Variants in GOLGB1 observed in about 807,000 individuals in gnomAD.
GOLGB1 encodes golgin B1.
In GOLGB1, 174 loss-of-function variants were observed where a neutral mutation model predicts 336.9. The observed-to-expected ratio is 0.52, with a 90% CI of 0.46 to 0.59. The LOEUF is 0.59. Among genes scored for constraint, GOLGB1 ranks in the 20% least tolerant of loss-of-function variants. The pLI, the probability that GOLGB1 is intolerant of heterozygous loss-of-function variation, is 0.00. For synonymous variants in GOLGB1, 1,208 were observed against 1,289.2 expected, an observed-to-expected ratio of 0.94 and a Z score of 1.35; for missense variants, 3,331 against 3,645.3, an observed-to-expected ratio of 0.91 and a Z score of 2.22.
At chr3:121,665,682 T>C (rs934053674) in intron 20 of GOLGB1, among the ~76,000 whole-genome samples, 1 of 152,254 alleles carries the variant, frequency 6.6e-6, no homozygotes, top group African/African-American at 2.4e-5. Context: ...TCAATGGTTA[T>C]GTCAAACAAA....
chr3:121,690,369 G>C lies in GOLGB1; in HGVS notation c.8694+301C>G, dbSNP rs550229491. ...ACAAATTCTGGAAACATTTACACAT[G>C]TCTTTGTGTATATAAAATATATAAA... On this transcript the variant is annotated intron_variant, in intron 14 of 21. Coordinates refer to ENST00000614479, the MANE Select transcript of GOLGB1 (RefSeq NM_001366282.2). 5.9e-5 allele frequency among the ~76,000 whole-genome samples: 9 copies of C among 151,982 alleles called. No homozygotes were observed. The South Asian group carries it at 1.9e-3, about 32-fold the overall frequency.
intron 15 of GOLGB1, among the ~76,000 whole-genome samples, chr3:121,681,283 A>C (rs923435652): frequency 4.6e-5 from 7 of 152,236 alleles, no homozygotes; most frequent in African/African-American, 1.7e-4. Context: ...AATTGAACAC[A>C]GATTAGTGGT....
rs894250014 is a variant in GOLGB1, at chr3:121,718,653, C to G, written c.772-152G>C. 87 of 609,572 alleles carry G rather than the reference C, an allele frequency of 1.4e-4. 2 individuals carry two copies. In the Middle Eastern group the frequency reaches 2.0e-3, roughly 14 times the overall value. The allele number at this position is 609,572 out of a possible 1,614,324, so 37.8% of individuals were successfully genotyped here. ...GGGAGACCAGCATGCCATGCTCCCC[C>G]CATCCAGCAGCAACGAAGAGTCTCC... On this transcript the variant is annotated intron_variant, in intron 7 of 21. Transcript: ENST00000614479.
At chr3:121,727,064 CATT>C (rs1381985871) in intron 4 of GOLGB1, 23 bp from the exon 5 acceptor site, 1 of 1,411,746 alleles carries the variant, frequency 7.1e-7, no homozygotes, top group Non-Finnish European at 9.7e-7. Context: ...GAGATAAAGT[CATT>C]ATTTAAAAGA....
At chr3:121,664,855 G>T in intron 21 of GOLGB1, 71 bp downstream of exon 21, 1 of 948,234 alleles carries the variant, frequency 1.1e-6, no homozygotes, top group Non-Finnish European at 1.7e-6. Context: ...CTTCTCCTCA[G>T]CTCCTTGCCC....
rs924589425 is a variant in GOLGB1 at position 121,695,382 on chromosome 3, G to C, written c.5141C>G (p.Thr1714Arg). ...LRAEVHPAGDTAKECMETLLS... is the reference protein window; with the variant it reads ...LRAEVHPAGDRAKECMETLLS... The stretch of plus-strand genomic sequence containing the variant: ...AAGTGTTTCCATACACTCTTTAGCT[G>C]TATCTCCTGCAGGGTGCACCTCTGC... The change falls in exon 13 of 22, where the codon ACA becomes AGA. Residue 1714 changes from threonine (T) to arginine (R), a missense_variant. By Grantham distance (71) the Thr-to-Arg change is moderately conservative. Coordinates refer to ENST00000614479, the MANE Select transcript of GOLGB1 (RefSeq NM_001366282.2). The C allele has an allele frequency of 6.2e-7, 1 of 1,613,942 alleles. No homozygotes were observed. Among genetic ancestry groups the C allele is most frequent in the Non-Finnish European group, 8.5e-7 (1 of 1,179,930 alleles).
chr3:121,736,800 A>G (rs908615654), intron 1 of GOLGB1, among the ~76,000 whole-genome samples: 14 of 152,158 alleles, frequency 9.2e-5, no homozygotes, highest in Middle Eastern at 3.2e-3. Flanking sequence ...GCTATTGGGT[A>G]GTCTGAGATG....
rs192306698 is a variant in GOLGB1, at chr3:121,666,828, A to C, written c.9554+648T>G. On this transcript the variant is annotated intron_variant, in intron 20 of 21. Coordinates refer to ENST00000614479, the MANE Select transcript of GOLGB1 (RefSeq NM_001366282.2). Reference sequence around the variant, plus strand: ...GTAGCAACTCTCTATCCTCTCATGCATAGTGATTCTTTTGATGAGAATAAG... The same window carrying C: ...GTAGCAACTCTCTATCCTCTCATGCCTAGTGATTCTTTTGATGAGAATAAG... 1.3e-4 allele frequency among the ~76,000 whole-genome samples: 20 copies of C among 152,342 alleles called. 1 individual carries two copies. The South Asian group carries it at 3.7e-3, about 28-fold the overall frequency.
chr3:121,735,836 G>A (rs1053452968), intron 1 of GOLGB1, among the ~76,000 whole-genome samples: 1 of 152,122 alleles, frequency 6.6e-6, no homozygotes, highest in Non-Finnish European at 1.5e-5. Flanking sequence ...GTAGCAATGA[G>A]CGCATCCAGA....
At chr3:121,719,351 C>A (rs996590266) in intron 7 of GOLGB1, among the ~76,000 whole-genome samples, 1 of 152,084 alleles carries the variant, frequency 6.6e-6, no homozygotes, top group Non-Finnish European at 1.5e-5. Flanking sequence ...GTGTGTAATG[C>A]ACAAAGGTAG....
chr3:121,700,011 G>A (rs1943259870), intron 11 of GOLGB1, 126 bp from the exon 12 acceptor site: 4 of 594,942 alleles, frequency 6.7e-6, no homozygotes. Flanking sequence ...TAGCTTGGGA[G>A]AGGTGAAAGC....
At chr3:121,706,474 T>G (rs936312138) in intron 10 of GOLGB1, among the ~76,000 whole-genome samples, 1 of 151,948 alleles carries the variant, frequency 6.6e-6, no homozygotes, top group Non-Finnish European at 1.5e-5. Flanking sequence ...CAGTGGCTCA[T>G]GCCTGTAATC....
At chr3:121,712,186 T>C (rs1944408807) in intron 10 of GOLGB1, among the ~76,000 whole-genome samples, 1 of 152,072 alleles carries the variant, frequency 6.6e-6, no homozygotes, top group Admixed American at 6.5e-5. Context: ...GCAACAAAGG[T>C]ACCAAAAGAA....
At position 121,718,421 on chromosome 3, in the gene GOLGB1, T is replaced by C. The variant is rs1207654008; in HGVS notation, c.852A>G (p.Gln284=). The C allele has an allele frequency of 5.6e-6, 9 of 1,612,706 alleles. No individual in the cohort carries two copies. Among genetic ancestry groups the C allele is most frequent in the East Asian group, 2.2e-5 (1 of 44,882 alleles). Residue 284 remains glutamine, a synonymous_variant, in exon 8 of 22, where the codon CAA becomes CAG. Coordinates refer to ENST00000614479, the MANE Select transcript of GOLGB1 (RefSeq NM_001366282.2). ...TCTGCTCAGCAGCAGTCAGCTCCTG[T>C]TGCAGCAAGTCAACGACCTGAGCAC... ...VGRAQVVDLL[Q]QELTAAEQRN...
At position 121,697,504 on chromosome 3, in the gene GOLGB1, T is replaced by G. The variant is rs1344178262; in HGVS notation, c.3019A>C (p.Arg1007=). The G allele has an allele frequency of 6.2e-7, 1 of 1,611,920 alleles. No homozygotes were observed. Among genetic ancestry groups the G allele is most frequent in the East Asian group, 2.2e-5 (1 of 44,876 alleles). ...KRKLQAALIN[R]KELLQRVSRL... is the part of the protein sequence containing the mutation. ...CTGACTCTTTGCAGAAGCTCCTTTC[T>G]GTTAATAAGAGCTGCCTGGAGCTTT... The change falls in exon 13 of 22, where the codon AGA becomes CGA. Residue 1007 remains arginine, a synonymous_variant. Coordinates refer to ENST00000614479, the MANE Select transcript of GOLGB1 (RefSeq NM_001366282.2).
chr3:121,667,846 G>T (rs1463370605), intron 19 of GOLGB1, among the ~76,000 whole-genome samples: 2 of 152,192 alleles, frequency 1.3e-5, no homozygotes, highest in African/African-American at 4.8e-5. Context: ...TGTTAGTGGT[G>T]TGTGTGTGTT....
intron 4 of GOLGB1, among the ~76,000 whole-genome samples, chr3:121,727,315 TA>T (rs1560307933): frequency 5.5e-4 from 23 of 41,708 alleles, no homozygotes; most frequent in Non-Finnish European, 1.1e-3. Context: ...TATATATATA[TA>T]TATATTTTTT....
intron 10 of GOLGB1, among the ~76,000 whole-genome samples, chr3:121,712,938 C>T (rs1038674329): frequency 3.9e-5 from 6 of 151,934 alleles, no homozygotes; most frequent in Admixed American, 6.6e-5. Context: ...CCGAGGTGGG[C>T]GGATCACGAG....
intron 1 of GOLGB1, among the ~76,000 whole-genome samples, chr3:121,734,334 G>A (rs974826135): frequency 6.9e-6 from 1 of 144,444 alleles, no homozygotes; most frequent in East Asian, 2.1e-4. Flanking sequence ...GGATTGCAGT[G>A]AGCTGAGATC....
Sources: gnomAD v4.1 joint callset for allele counts (sites outside exome capture counted in the v4.1 genomes callset) on GRCh38, gnomAD v4.1.1 for gene constraint, MANE v1.5 for transcripts, NCBI Gene and HGNC (gene_info 2026-07-23, HGNC 2026-07-21) for gene names.